The following GRID1 variants were observed in gnomAD, a reference collection of about 807,000 sequenced individuals.
GRID1 encodes the protein glutamate receptor ionotropic, delta-1.
Under a neutral mutation model 98.0 loss-of-function variants are expected in GRID1, and 28 were observed. The observed-to-expected ratio is 0.29, with a 90% CI of 0.21 to 0.39. The LOEUF (loss-of-function observed/expected upper bound fraction) is 0.39, where lower values mean the gene tolerates loss of function less well. Among genes scored for constraint, GRID1 ranks in the 10% least tolerant of loss-of-function variants. The pLI, the probability that GRID1 is intolerant of heterozygous loss-of-function variation, is 1.00. For synonymous variants in GRID1, 553 were observed against 538.5 expected (o/e 1.03, Z -0.37); for missense variants, 1,111 against 1,340.5 (o/e 0.83, Z 2.67).
At chr10:86,010,446 C>A (rs866088416) in intron 4 of GRID1, among the ~76,000 whole-genome samples, 9 of 152,112 alleles carry the variant, frequency 5.9e-5, no homozygotes, top group Non-Finnish European at 8.8e-5. Flanking sequence ...AGGCAGGGTG[C>A]CCAGGGACCA....
At chr10:86,158,421 A>C (rs552395530) in intron 3 of GRID1, among the ~76,000 whole-genome samples, 1 of 152,212 alleles carries the variant, frequency 6.6e-6, no homozygotes, top group African/African-American at 2.4e-5. Flanking sequence ...TCACTCACCT[A>C]CTAAGCCACT....
At chr10:86,099,623 G>C (rs771485901) in intron 4 of GRID1, among the ~76,000 whole-genome samples, 5 of 152,174 alleles carry the variant, frequency 3.3e-5, no homozygotes, top group Non-Finnish European at 5.9e-5. Context: ...CAAATGAAAT[G>C]ACTCTCATAA....
rs544877136 is a variant in GRID1, at chr10:86,000,958, C to T, written c.727-84719G>A. Among the ~76,000 whole-genome samples, 9 of 152,162 alleles carry T rather than the reference C, an allele frequency of 5.9e-5. No individual in the cohort carries two copies. In the South Asian group the frequency reaches 6.2e-4, roughly 11 times the overall value. ...CTAGAAACAACCACTTGTTCTTCAG[C>T]GGGTGAATGGAGAAACCAACTATGA... On this transcript the variant is annotated intron_variant, in intron 4 of 15. Transcript: ENST00000327946.
At chr10:85,705,623 C>T (rs1841507095) in intron 12 of GRID1, among the ~76,000 whole-genome samples, 1 of 152,186 alleles carries the variant, frequency 6.6e-6, no homozygotes, top group African/African-American at 2.4e-5. Context: ...CCAGCATCAT[C>T]CTGATACCAA....
intron 12 of GRID1, among the ~76,000 whole-genome samples, chr10:85,661,081 A>C (rs1840960582): frequency 6.6e-6 from 1 of 152,164 alleles, no homozygotes; most frequent in Non-Finnish European, 1.5e-5. Flanking sequence ...GAATGATGCT[A>C]CGTCAGTGCT....
rs954101329 is a variant in GRID1, at chr10:85,636,871, A to G, written c.2193+10331T>C. On this transcript the variant is annotated intron_variant, in intron 13 of 15. Transcript: ENST00000327946. ...AAATGTTTATATCCTTTTTGGCACC[A>G]TAATTCTACTTTTGAGAATTAGACC... 9.8e-5 allele frequency among the ~76,000 whole-genome samples: 15 copies of G among 152,340 alleles called. No individual in the cohort carries two copies. In the East Asian group the frequency reaches 2.1e-3, roughly 22 times the overall value.
At chr10:85,649,449 ACT>A (rs1351467062) in intron 12 of GRID1, among the ~76,000 whole-genome samples, 3 of 151,600 alleles carry the variant, frequency 2.0e-5, no homozygotes, top group Non-Finnish European at 4.4e-5. Flanking sequence ...AAGGGTTGTA[ACT>A]CTGCCGTAAT....
intron 8 of GRID1, among the ~76,000 whole-genome samples, chr10:85,759,765 G>A (rs11201778): frequency 0.051 from 7,722 of 152,140 alleles, 339 homozygotes; most frequent in African/African-American, 0.12. Flanking sequence ...AAATGAGTTC[G>A]GAAAATGTAT....
intron 8 of GRID1, among the ~76,000 whole-genome samples, chr10:85,736,165 G>T (rs569703577): frequency 7.2e-6 from 1 of 137,970 alleles, no homozygotes; most frequent in African/African-American, 2.7e-5. Flanking sequence ...GGGAGGGAGG[G>T]ACACAGGAAG....
At chr10:85,747,821 G>T (rs1842011484) in intron 8 of GRID1, among the ~76,000 whole-genome samples, 1 of 152,294 alleles carries the variant, frequency 6.6e-6, no homozygotes, top group African/African-American at 2.4e-5. Context: ...AGGGGTAAAA[G>T]ATGGGTCTTC....
chr10:85,714,135 G>A (rs190913392), intron 12 of GRID1, among the ~76,000 whole-genome samples: 4 of 151,962 alleles, frequency 2.6e-5, no homozygotes, highest in Admixed American at 6.6e-5. Context: ...GCCATTATTC[G>A]AAGCAAACTA....
intron 3 of GRID1, among the ~76,000 whole-genome samples, chr10:86,199,412 C>A (rs1699993717): frequency 6.6e-6 from 1 of 152,154 alleles, no homozygotes; most frequent in Non-Finnish European, 1.5e-5. Context: ...AAAAATGCCA[C>A]AATAAATCTT....
intron 4 of GRID1, among the ~76,000 whole-genome samples, chr10:86,036,718 T>A (rs1218822571): frequency 6.6e-6 from 1 of 152,060 alleles, no homozygotes; most frequent in Non-Finnish European, 1.5e-5. Flanking sequence ...CACCGCCCAC[T>A]TGGTGAAAAA....
chr10:85,694,446 T>C (rs1841367031), intron 12 of GRID1, among the ~76,000 whole-genome samples: 1 of 151,258 alleles, frequency 6.6e-6, no homozygotes, highest in African/African-American at 2.4e-5. Context: ...CAAATCACTA[T>C]ATCAGAAAGA....
At chr10:85,676,750 T>TA (rs1331711909) in intron 12 of GRID1, among the ~76,000 whole-genome samples, 1 of 152,232 alleles carries the variant, frequency 6.6e-6, no homozygotes, top group East Asian at 1.9e-4. Context: ...ACTTGATTGA[T>TA]AAAGCTCCAT....
intron 4 of GRID1, among the ~76,000 whole-genome samples, chr10:85,934,886 G>A (rs748862133): frequency 1.3e-5 from 2 of 152,140 alleles, no homozygotes; most frequent in Non-Finnish European, 2.9e-5. Flanking sequence ...AGTAAGTCCT[G>A]TAGACTTTGG....
chr10:85,812,867 C>T (rs1240139344), intron 8 of GRID1, among the ~76,000 whole-genome samples: 4 of 149,666 alleles, frequency 2.7e-5, no homozygotes, highest in Non-Finnish European at 5.9e-5. Context: ...TATATATATA[C>T]ACACACATAT....
At chr10:85,676,928 T>C (rs1424209110) in intron 12 of GRID1, among the ~76,000 whole-genome samples, 2 of 152,218 alleles carry the variant, frequency 1.3e-5, no homozygotes, top group Admixed American at 1.3e-4. Flanking sequence ...AGAACCATCA[T>C]TTTTATGTTT....
chr10:86,041,418 T>C (rs902367331), intron 4 of GRID1, among the ~76,000 whole-genome samples: 1 of 152,242 alleles, frequency 6.6e-6, no homozygotes, highest in Non-Finnish European at 1.5e-5. Flanking sequence ...TCCTGTTCCA[T>C]GATCCACAAG....
Sources: gnomAD v4.1 joint callset for allele counts (sites outside exome capture counted in the v4.1 genomes callset) on GRCh38, gnomAD v4.1.1 for gene constraint, MANE v1.5 for transcripts, NCBI Gene and HGNC (gene_info 2026-07-23, HGNC 2026-07-21) for gene names.